UBAP2L: variants seen among roughly 807,000 people sequenced by gnomAD.
UBAP2L encodes ubiquitin associated protein 2 like.
Under a neutral mutation model 130.6 loss-of-function variants are expected in UBAP2L, and 12 were observed. The ratio of observed to expected loss-of-function variants is 0.09; its 90% CI spans 0.06 to 0.15. The LOEUF (loss-of-function observed/expected upper bound fraction) is 0.15. Ranked by LOEUF, UBAP2L falls within the 10% of genes least tolerant of loss-of-function variation. The pLI is 1.00. For missense variants in UBAP2L, 965 were observed against 1,332.5 expected, an observed-to-expected ratio of 0.72 and a Z score of 4.29; for synonymous variants, 503 against 524.7, an observed-to-expected ratio of 0.96 and a Z score of 0.57.
At chr1:154,231,392 C>T (rs1669792275) in intron 4 of UBAP2L, among the ~76,000 whole-genome samples, 1 of 148,006 alleles carries the variant, frequency 6.8e-6, no homozygotes, top group Non-Finnish European at 1.5e-5. Flanking sequence ...CCTCTGCCTC[C>T]TGGGCTCAAG....
At chr1:154,262,240 T>G (rs1681804153) in intron 24 of UBAP2L, among the ~76,000 whole-genome samples, 1 of 152,328 alleles carries the variant, frequency 6.6e-6, no homozygotes, top group Non-Finnish European at 1.5e-5. Context: ...GGAATTGGAC[T>G]GGGAGAGTTG....
At position 154,257,063 on chromosome 1, in the gene UBAP2L, C is replaced by G; in HGVS notation, c.2158C>G (p.His720Asp). Reference sequence around the variant, plus strand: ...TCTTCCACTGCTCCCCCTTTTGAAGCACACAAGTGTGGAGAGTGAGGCGAA... The same window carrying G: ...TCTTCCACTGCTCCCCCTTTTGAAGGACACAAGTGTGGAGAGTGAGGCGAA... ...SGRTSTSTLL[H>D]TSVESEANLH... Residue 720 changes from histidine (H) to aspartate (D), a missense_variant and splice_region_variant, in exon 19 of 27, where the codon CAC (histidine) becomes GAC (aspartate). Physicochemically the swap from His to Asp is moderately conservative, Grantham distance 81 (BLOSUM62 -1). This residue lies in a region of UBAP2L where 393 missense variants were observed against 408.1 expected (regional missense o/e 0.96). Transcript: ENST00000428931. The G allele has an allele frequency of 6.2e-7, 1 of 1,612,430 alleles. No individual in the cohort carries two copies. The highest frequency in any genetic ancestry group is 8.5e-7 in the Non-Finnish European group (1 of 1,179,470).
chr1:154,224,204 T>G (rs369356588), intron 1 of UBAP2L, among the ~76,000 whole-genome samples: 2 of 152,216 alleles, frequency 1.3e-5, no homozygotes, highest in African/African-American at 4.8e-5. Context: ...CTTGCCAGCA[T>G]TAAGGTCTCA....
intron 21 of UBAP2L, 122 bp downstream of exon 21, chr1:154,259,152 C>T: frequency 1.2e-6 from 1 of 867,404 alleles, no homozygotes; most frequent in Non-Finnish European, 1.8e-6. Flanking sequence ...TGATTTAAGG[C>T]ATATTAGAAT....
At chr1:154,270,850 T>C (rs1684629130), downstream of UBAP2L, 3 of 1,428,280 alleles carry the variant, frequency 2.1e-6, no homozygotes, top group African/African-American at 1.5e-5. Context: ...AACCTCTACC[T>C]TCAGCCTCTG....
At chr1:154,254,161 T>C (rs2148925783) in intron 15 of UBAP2L, 72 bp downstream of exon 15, 1 of 1,350,496 alleles carries the variant, frequency 7.4e-7, no homozygotes, top group Non-Finnish European at 9.8e-7. Flanking sequence ...TATTAGTGTT[T>C]TACTTTTCAG....
intron 20 of UBAP2L, 33 bp from the exon 21 acceptor site, chr1:154,258,944 T>C: frequency 1.9e-6 from 3 of 1,598,634 alleles, no homozygotes; most frequent in Non-Finnish European, 2.6e-6. Flanking sequence ...TCATGACCAG[T>C]TCCTGTTATT....
At chr1:154,236,678 A>T in intron 7 of UBAP2L, 67 bp downstream of exon 7, 2 of 1,540,628 alleles carry the variant, frequency 1.3e-6, no homozygotes, top group Non-Finnish European at 1.8e-6. Flanking sequence ...AGCCTTAACC[A>T]AAATGATCAG....
rs1346822406 is a variant in UBAP2L at position 154,252,829 on chromosome 1, G to A, written c.1665-1071G>A. 7.2e-5 allele frequency among the ~76,000 whole-genome samples: 11 copies of A among 152,310 alleles called. No individual in the cohort carries two copies. The East Asian group carries it at 2.1e-3, about 29-fold the overall frequency. On this transcript the variant is annotated intron_variant, in intron 14 of 26. Coordinates refer to ENST00000428931, the MANE Select transcript of UBAP2L (RefSeq NM_014847.4). ...CCACCTTGGCCTCCAAAAGTGCTGG[G>A]ATTACAGGCGTGAGCCACCACACCC...
At chr1:154,266,605 T>C (rs1392104447) in intron 25 of UBAP2L, 37 bp downstream of exon 25, 3 of 1,600,146 alleles carry the variant, frequency 1.9e-6, no homozygotes, top group East Asian at 2.2e-5. Context: ...GGAAAAGAGA[T>C]AGACATAGAG....
rs147271326 is a variant in UBAP2L at position 154,268,849 on chromosome 1, G to A, written c.3063G>A (p.Pro1021=). ...SALGSGGPIN[P]ATAAAYPPAP... is the part of the protein sequence containing the mutation. ...TAGGAAGTGGGGGCCCCATCAATCC[G>A]GCCACAGCTGCTGCCTACCCACCTG... Residue 1021 remains proline, a synonymous_variant, in exon 26 of 27, where the codon CCG becomes CCA. Transcript: ENST00000428931. 1.9e-5 allele frequency: 31 copies of A among 1,613,962 alleles called. No homozygotes were observed. Among genetic ancestry groups the A allele is most frequent in the Middle Eastern group, 1.6e-4 (1 of 6,062 alleles).
intron 9 of UBAP2L, among the ~76,000 whole-genome samples, chr1:154,242,326 G>A (rs1404015742): frequency 6.6e-6 from 1 of 152,232 alleles, no homozygotes; most frequent in Admixed American, 6.5e-5. Context: ...TTTGTGATAA[G>A]AGGAAATGAC....
intron 26 of UBAP2L, chr1:154,269,689 C>G (rs1273734475): frequency 6.1e-6 from 2 of 329,928 alleles, no homozygotes; most frequent in Non-Finnish European, 1.2e-5. Context: ...CCTCAGACTG[C>G]CTCTCATACC....
intron 4 of UBAP2L, among the ~76,000 whole-genome samples, chr1:154,234,118 T>C (rs1241532883): frequency 2.6e-5 from 4 of 152,096 alleles, no homozygotes; most frequent in African/African-American, 9.7e-5. Context: ...CCCAGCACTT[T>C]AAGAGGCCGA....
chr1:154,257,777 C>G (rs1680126011), intron 20 of UBAP2L: 1 of 313,878 alleles, frequency 3.2e-6, no homozygotes, highest in Non-Finnish European at 6.0e-6. Flanking sequence ...TAAACTGAGG[C>G]CAACCCATCT....
chr1:154,269,969 T>C (rs1217922619), intron 26 of UBAP2L, among the ~76,000 whole-genome samples: 1 of 152,174 alleles, frequency 6.6e-6, no homozygotes, highest in Non-Finnish European at 1.5e-5. Flanking sequence ...ACCTTGTCTC[T>C]AAAGGTATCT....
At chr1:154,250,662 T>C (rs569615383) in intron 12 of UBAP2L, among the ~76,000 whole-genome samples, 1 of 152,142 alleles carries the variant, frequency 6.6e-6, no homozygotes, top group African/African-American at 2.4e-5. Flanking sequence ...GAGACCAGCC[T>C]GGCCAACATG....
At chr1:154,250,680 C>G (rs1007676633) in intron 12 of UBAP2L, among the ~76,000 whole-genome samples, 1 of 151,860 alleles carries the variant, frequency 6.6e-6, no homozygotes, top group African/African-American at 2.4e-5. Flanking sequence ...ATGACAAAAC[C>G]CCGTGTCTAC....
chr1:154,249,361 T>C lies in UBAP2L; in HGVS notation c.1137T>C (p.His379=). The part of the protein sequence containing the change: ...AQALAQLAAQ[H]SQSGSTTTSS... Reference sequence around the variant, plus strand: ...CCCTGGCTCAGTTGGCAGCTCAGCATTCTCAGTCTGGAAGCACCACCACCT... The same window carrying C: ...CCCTGGCTCAGTTGGCAGCTCAGCACTCTCAGTCTGGAAGCACCACCACCT... Residue 379 remains histidine (H), a synonymous_variant, in exon 12 of 27, where the codon CAT becomes CAC. Coordinates refer to ENST00000428931, the MANE Select transcript of UBAP2L (RefSeq NM_014847.4). The C allele has an allele frequency of 6.2e-7, 1 of 1,614,228 alleles. No individual in the cohort carries two copies. Among genetic ancestry groups the C allele is most frequent in the Non-Finnish European group, 8.5e-7 (1 of 1,180,050 alleles).
Sources: gnomAD v4.1 joint callset for allele counts (sites outside exome capture counted in the v4.1 genomes callset) on GRCh38, gnomAD v4.1.1 for gene constraint, gnomAD v4.1.1 regional missense constraint, MANE v1.5 for transcripts, NCBI Gene and HGNC (gene_info 2026-07-23, HGNC 2026-07-21) for gene names.